The following EGFR variants were observed in gnomAD, a reference collection of about 807,000 sequenced individuals.
EGFR encodes epidermal growth factor receptor.
In EGFR, 58 loss-of-function variants were observed where a neutral mutation model predicts 143.0. The observed-to-expected ratio is 0.41, with a 90% CI of 0.33 to 0.50. EGFR has a LOEUF of 0.50. EGFR is among the 20% of genes least tolerant of loss of function. EGFR has a pLI of 0.39. For missense variants in EGFR, 1,307 were observed against 1,579.0 expected (o/e 0.83, Z 2.92); for synonymous variants, 613 against 594.4 (o/e 1.03, Z -0.45).
intron 15 of EGFR, among the ~76,000 whole-genome samples, chr7:55,168,366 T>G (rs1043662317): frequency 6.6e-6 from 1 of 152,246 alleles, no homozygotes; most frequent in African/African-American, 2.4e-5. Context: ...GTTGCTGGGC[T>G]TAGGGGAGGT....
At chr7:55,032,915 C>T (rs538089830) in intron 1 of EGFR, among the ~76,000 whole-genome samples, 4 of 152,264 alleles carry the variant, frequency 2.6e-5, no homozygotes, top group Non-Finnish European at 4.4e-5. Context: ...GGACTCACCA[C>T]GCTGGAAGTC....
At chr7:55,086,188 A>T (rs1042619373) in intron 1 of EGFR, among the ~76,000 whole-genome samples, 3 of 152,206 alleles carry the variant, frequency 2.0e-5, no homozygotes, top group African/African-American at 7.2e-5. Flanking sequence ...GCTCAGAGAG[A>T]GTAAGTAATT....
At chr7:55,194,187 T>A (rs1362001403) in intron 22 of EGFR, among the ~76,000 whole-genome samples, 1 of 150,654 alleles carries the variant, frequency 6.6e-6, no homozygotes, top group African/African-American at 2.4e-5. Flanking sequence ...TTGCTCCCCC[T>A]CATCTATGCT....
At chr7:55,177,186 C>T (rs1252498882) in intron 19 of EGFR, among the ~76,000 whole-genome samples, 1 of 152,030 alleles carries the variant, frequency 6.6e-6, no homozygotes, top group Non-Finnish European at 1.5e-5. Context: ...TGTGGTTTGT[C>T]CTGCAGCTCA....
At chr7:55,041,310 C>T (rs150500123) in intron 1 of EGFR, among the ~76,000 whole-genome samples, 2,289 of 152,128 alleles carry the variant, frequency 0.015, 54 homozygotes, top group African/African-American at 0.052. Flanking sequence ...ATTCGGGAGG[C>T]GGAGGCAGGA....
intron 4 of EGFR, among the ~76,000 whole-genome samples, chr7:55,148,988 G>T (rs1007566057): frequency 6.6e-6 from 1 of 151,850 alleles, no homozygotes; most frequent in Non-Finnish European, 1.5e-5. Flanking sequence ...AGAATGAATG[G>T]GTTTACTTCA....
At chr7:55,176,220 T>C (rs2128955611) in intron 19 of EGFR, among the ~76,000 whole-genome samples, 1 of 152,308 alleles carries the variant, frequency 6.6e-6, no homozygotes, top group Non-Finnish European at 1.5e-5. Flanking sequence ...CATGTTGAAA[T>C]GTGAATTTCA....
At chr7:55,138,037 G>C (rs780976640) in intron 1 of EGFR, among the ~76,000 whole-genome samples, 1 of 152,172 alleles carries the variant, frequency 6.6e-6, no homozygotes, top group Non-Finnish European at 1.5e-5. Flanking sequence ...CCAATGTGAA[G>C]TATAGTGATA....
intron 1 of EGFR, among the ~76,000 whole-genome samples, chr7:55,106,797 A>G (rs1408574325): frequency 2.0e-5 from 3 of 152,200 alleles, no homozygotes; most frequent in African/African-American, 7.2e-5. Flanking sequence ...GCATTGTAAA[A>G]TGTACACTGT....
intron 18 of EGFR, 112 bp downstream of exon 18, chr7:55,174,155 T>G: frequency 6.9e-7 from 1 of 1,444,640 alleles, no homozygotes; most frequent in Non-Finnish European, 9.4e-7. Flanking sequence ...TTACTCTTTG[T>G]TTCACTGAGT....
At chr7:55,202,650 C>T in intron 27 of EGFR, 25 bp downstream of exon 27, 1 of 1,592,682 alleles carries the variant, frequency 6.3e-7, no homozygotes, top group Non-Finnish European at 8.6e-7. Context: ...TGGAAACAGT[C>T]CTGCTCCTCA....
intron 1 of EGFR, among the ~76,000 whole-genome samples, chr7:55,080,641 A>G (rs548206806): frequency 2.0e-5 from 3 of 152,196 alleles, no homozygotes; most frequent in African/African-American, 4.8e-5. Context: ...AACTGTAGTT[A>G]GTGACAATGT....
At chr7:55,131,916 C>T (rs1225619869) in intron 1 of EGFR, among the ~76,000 whole-genome samples, 9 of 145,876 alleles carry the variant, frequency 6.2e-5, no homozygotes, top group South Asian at 2.2e-4. Flanking sequence ...AAGGGACAAG[C>T]GCAGGGAGCA....
At chr7:55,122,658 T>C (rs1003483321) in intron 1 of EGFR, among the ~76,000 whole-genome samples, 2 of 152,192 alleles carry the variant, frequency 1.3e-5, no homozygotes, top group Non-Finnish European at 1.5e-5. Context: ...CTTTCTCCCC[T>C]TTTCTCCTCT....
At chr7:55,154,475 T>C (rs1285033882) in intron 7 of EGFR, among the ~76,000 whole-genome samples, 1 of 152,196 alleles carries the variant, frequency 6.6e-6, no homozygotes, top group African/African-American at 2.4e-5. Flanking sequence ...CCGTGGGTAT[T>C]CAGTTGTCTG....
chr7:55,170,567 T>C (rs2128950948), intron 15 of EGFR: 2 of 1,611,946 alleles, frequency 1.2e-6, no homozygotes, highest in Non-Finnish European at 8.5e-7. Flanking sequence ...CACGTGTCTG[T>C]TCCCCCCGCT....
intron 1 of EGFR, among the ~76,000 whole-genome samples, chr7:55,058,965 AG>A (rs1789000758): frequency 6.6e-6 from 1 of 152,258 alleles, no homozygotes; most frequent in East Asian, 1.9e-4. Context: ...AGTTTCTCAG[AG>A]ATGGTAAGGC....
chr7:55,100,795 A>G (rs1352904784), intron 1 of EGFR, among the ~76,000 whole-genome samples: 1 of 152,124 alleles, frequency 6.6e-6, no homozygotes, highest in East Asian at 1.9e-4. Flanking sequence ...GTCACACATC[A>G]CTGTTAGTCT....
At chr7:55,067,049 C>A (rs976066049) in intron 1 of EGFR, among the ~76,000 whole-genome samples, 1 of 152,196 alleles carries the variant, frequency 6.6e-6, no homozygotes, top group Non-Finnish European at 1.5e-5. Flanking sequence ...GTCCTGCATC[C>A]TCGGCTCCTC....
Sources: allele counts gnomAD v4.1 joint callset (sites outside exome capture counted in the v4.1 genomes callset), GRCh38; gene constraint gnomAD v4.1.1; transcripts MANE v1.5; gene names NCBI Gene and HGNC (gene_info 2026-07-23, HGNC 2026-07-21).